Variants in SLC20A2 observed in about 807,000 individuals in gnomAD.
The protein encoded by SLC20A2 is solute carrier family 20 member 2, also known as sodium-dependent phosphate transporter 2.
Under a neutral mutation model 61.0 loss-of-function variants are expected in SLC20A2, and 30 were observed. That is an observed-to-expected ratio of 0.49 (90% confidence interval 0.37 to 0.67). SLC20A2 has a LOEUF of 0.67. SLC20A2 is among the 30% of genes least tolerant of loss of function. The pLI is 0.00. For synonymous variants in SLC20A2, 351 were observed against 353.3 expected (o/e 0.99, Z 0.07); for missense variants, 626 against 866.4 (o/e 0.72, Z 3.48).
chr8:42,418,435 G>T (rs1439176524), intron 10 of SLC20A2, among the ~76,000 whole-genome samples: 1 of 152,118 alleles, frequency 6.6e-6, no homozygotes, highest in Non-Finnish European at 1.5e-5. Flanking sequence ...CCAAAGTGCT[G>T]GAGTACAGTG....
At chr8:42,459,580 A>G (rs979853977) in intron 5 of SLC20A2, among the ~76,000 whole-genome samples, 5 of 152,212 alleles carry the variant, frequency 3.3e-5, no homozygotes, top group Non-Finnish European at 7.3e-5. Flanking sequence ...GCTAAGCTAT[A>G]GTGGCAACAC....
chr8:42,428,057 C>T (rs750972600), intron 10 of SLC20A2, among the ~76,000 whole-genome samples: 4 of 152,104 alleles, frequency 2.6e-5, no homozygotes, highest in East Asian at 1.9e-4. Context: ...GTGATGAGAC[C>T]GGGGCTCTGG....
At position 42,417,904 on chromosome 8, in the gene SLC20A2, G is replaced by A. The variant is rs1001310092; in HGVS notation, c.1858C>T (p.Arg620Trp). ...ACGAACCAGGCCACGAAGATGTTCC[G>A]AAAGAGGCGCCAGTCCACAGCCTTG... ...SRKAVDWRLF[R>W]NIFVAWFVTV... The change falls in exon 11 of 11, where the codon CGG becomes TGG. Residue 620 changes from arginine to tryptophan, a missense_variant. By Grantham distance (101) the Arg-to-Trp change is moderately radical. Transcript: ENST00000520262. 6.8e-6 allele frequency: 11 copies of A among 1,613,948 alleles called. No homozygotes were observed. Among genetic ancestry groups the A allele is most frequent in the East Asian group, 6.7e-5 (3 of 44,872 alleles).
intron 7 of SLC20A2, among the ~76,000 whole-genome samples, chr8:42,438,586 A>G (rs1804528289): frequency 6.6e-6 from 1 of 152,240 alleles, no homozygotes; most frequent in African/African-American, 2.4e-5. Context: ...CACCTGTGGT[A>G]GGCAGGTGCC....
chr8:42,472,453 G>A lies in SLC20A2; in HGVS notation c.-63C>T. 1 of 1,492,102 alleles carries A rather than the reference G, an allele frequency of 6.7e-7. No individual in the cohort carries two copies. Among genetic ancestry groups the A allele is most frequent in the Non-Finnish European group, 9.2e-7 (1 of 1,092,444 alleles). 92.4% of individuals were successfully genotyped at this position (1,492,102 alleles called of 1,614,324 possible). A position where few individuals can be genotyped will look rare whatever the true frequency, so the allele number is the denominator to read the frequency against. ...AATATTTTAAATAAACAAAGCTTGA[G>A]GTTATAAACTTCGTAAGGCCAAGAG... is the stretch of plus-strand genomic sequence containing the variant. On this transcript the variant is annotated 5_prime_UTR_variant, in exon 2 of 11. Transcript: ENST00000520262. This position sits in a 1 kb window ranked among gnomAD's most constrained non-coding sequence, Gnocchi z 4.1.
intron 1 of SLC20A2, among the ~76,000 whole-genome samples, chr8:42,508,634 G>A (rs534723497): frequency 2.6e-5 from 4 of 152,118 alleles, no homozygotes; most frequent in East Asian, 3.9e-4. Context: ...CAGGTGATCC[G>A]TCCGCCTCGG....
At chr8:42,510,330 A>G (rs1026059496) in intron 1 of SLC20A2, among the ~76,000 whole-genome samples, 1 of 152,200 alleles carries the variant, frequency 6.6e-6, no homozygotes, top group African/African-American at 2.4e-5. Flanking sequence ...TCACCAAGGT[A>G]AACTCCACCC....
intron 8 of SLC20A2, among the ~76,000 whole-genome samples, chr8:42,435,239 G>C (rs575764840): frequency 1.3e-5 from 2 of 152,318 alleles, no homozygotes; most frequent in South Asian, 4.1e-4. Flanking sequence ...TCTGCAGCGA[G>C]ACTTCTTTTA....
At chr8:42,442,820 T>C (rs765175908) in intron 6 of SLC20A2, among the ~76,000 whole-genome samples, 1 of 152,204 alleles carries the variant, frequency 6.6e-6, no homozygotes, top group African/African-American at 2.4e-5. Flanking sequence ...TTCAGGAGCA[T>C]GCTTTGTCTC....
In SLC20A2 at chr8:42,472,571, A is replaced by G. The variant is rs780358007; in HGVS notation, c.-181T>C. On this transcript the variant is annotated 5_prime_UTR_variant, in exon 2 of 11. Transcript: ENST00000520262. This position sits in a 1 kb window ranked among gnomAD's most constrained non-coding sequence, Gnocchi z 4.1. ...TGCTGGTTTGCAAACTACTGTCAGG[A>G]CAGTTCATTTGGTTGTGTTCAGTCA... is the stretch of plus-strand genomic sequence containing the variant. 2 of 598,238 alleles carry G rather than the reference A, an allele frequency of 3.3e-6. No homozygotes were observed. The highest frequency in any genetic ancestry group is 5.9e-6 in the Non-Finnish European group (2 of 341,290). 37.1% of individuals were successfully genotyped at this position (598,238 alleles called of 1,614,324 possible).
In SLC20A2 at chr8:42,417,999, G is replaced by A. The variant is rs12676957; in HGVS notation, c.1795-32C>T. The A allele has an allele frequency of 0.016, 25,327 of 1,602,694 alleles. 934 individuals are homozygous for A. The highest frequency in any genetic ancestry group is 0.11 in the South Asian group (9,689 of 90,672). On this transcript the variant is annotated intron_variant, in intron 10 of 10. Coordinates refer to ENST00000520262, the MANE Select transcript of SLC20A2 (RefSeq NM_001257180.2). ...GAGCAGACATTGCAAAGTAAAAACA[G>A]GTGAGCCACAAAGGCTACACTCTAC... is the stretch of plus-strand genomic sequence containing the variant.
intron 1 of SLC20A2, among the ~76,000 whole-genome samples, chr8:42,525,481 C>G (rs1811863333): frequency 6.8e-6 from 1 of 148,072 alleles, no homozygotes; most frequent in African/African-American, 2.5e-5. Flanking sequence ...ACTCAAGAGG[C>G]TGAGGCAGGA....
chr8:42,485,762 A>C (rs556889746), intron 1 of SLC20A2, among the ~76,000 whole-genome samples: 1 of 151,716 alleles, frequency 6.6e-6, no homozygotes, highest in South Asian at 2.1e-4. Context: ...CCTGCCCAAC[A>C]TGGTAAAACC....
chr8:42,480,278 C>T (rs1439270961), intron 1 of SLC20A2, among the ~76,000 whole-genome samples: 1 of 152,178 alleles, frequency 6.6e-6, no homozygotes, highest in Admixed American at 6.5e-5. Context: ...AGGTTAATTG[C>T]ACTTCTCTCT....
intron 2 of SLC20A2, among the ~76,000 whole-genome samples, chr8:42,467,651 T>C (rs1807281558): frequency 6.6e-6 from 1 of 152,198 alleles, no homozygotes; most frequent in Admixed American, 6.5e-5. Flanking sequence ...CCATGAGTGC[T>C]AGGCGTGCTG....
chr8:42,470,992 AAAAG>A, intron 2 of SLC20A2: 1 of 347,060 alleles, frequency 2.9e-6, no homozygotes. Flanking sequence ...AAAAAAAAAG[AAAAG>A]AAAAAATGTA....
At chr8:42,522,247 T>C (rs1409550621) in intron 1 of SLC20A2, among the ~76,000 whole-genome samples, 3 of 121,806 alleles carry the variant, frequency 2.5e-5, no homozygotes, top group African/African-American at 7.6e-5. Context: ...ATGAGGTGGC[T>C]GCTGATAAAT....
At chr8:42,418,917 G>A (rs1231630717) in intron 10 of SLC20A2, among the ~76,000 whole-genome samples, 1 of 147,016 alleles carries the variant, frequency 6.8e-6, no homozygotes, top group Non-Finnish European at 1.5e-5. Flanking sequence ...AGAATGGCGT[G>A]AACCTGGGAG....
intron 1 of SLC20A2, among the ~76,000 whole-genome samples, chr8:42,477,464 C>CTT (rs56302974): frequency 3.6e-4 from 18 of 50,262 alleles, no homozygotes; most frequent in African/African-American, 5.5e-4. Context: ...GGGACAGGGA[C>CTT]TTTTTTTTTT....
Sources: gnomAD v4.1 joint callset for allele counts (sites outside exome capture counted in the v4.1 genomes callset) on GRCh38, gnomAD v4.1.1 for gene constraint, Gnocchi (gnomAD v3.1) non-coding constraint, MANE v1.5 for transcripts, NCBI Gene and HGNC (gene_info 2026-07-23, HGNC 2026-07-21) for gene names.